The following GRIK4 variants were observed in gnomAD, a reference collection of about 807,000 sequenced individuals.
The protein encoded by GRIK4 is glutamate receptor ionotropic, kainate 4.
GRIK4 carries 40 observed loss-of-function variants against 104.9 expected under a neutral mutation model. The ratio of observed to expected loss-of-function variants is 0.38; its 90% CI spans 0.30 to 0.50. GRIK4 has a LOEUF of 0.50. Among genes scored for constraint, GRIK4 ranks in the 20% least tolerant of loss-of-function variants. GRIK4 has a pLI of 0.93. For synonymous variants in GRIK4, 485 were observed against 524.9 expected, an observed-to-expected ratio of 0.92 and a Z score of 1.04; for missense variants, 1,047 against 1,308.1, an observed-to-expected ratio of 0.80 and a Z score of 3.08.
At chr11:120,830,607 C>T (rs778862349) in intron 6 of GRIK4, among the ~76,000 whole-genome samples, 4 of 152,260 alleles carry the variant, frequency 2.6e-5, no homozygotes, top group East Asian at 3.9e-4. Flanking sequence ...ACCTTTCCCT[C>T]GCCATCCCAG....
chr11:120,644,223 A>G (rs911809886), intron 1 of GRIK4, among the ~76,000 whole-genome samples: 40 of 152,312 alleles, frequency 2.6e-4, no homozygotes, highest in African/African-American at 8.9e-4. Context: ...AGTGCTCAGT[A>G]AATCCTTGTT....
At position 120,933,430 on chromosome 11, in the gene GRIK4, T is replaced by G. The variant is rs1943522876; in HGVS notation, c.1477-6917T>G. On this transcript the variant is annotated intron_variant, in intron 13 of 20. Coordinates refer to ENST00000527524, the MANE Select transcript of GRIK4 (RefSeq NM_014619.5). ...GCCCCATGCTCAGCATTTACAGACATGGCCTCATTCATCTTCTCAACAATT... is the reference window on the plus strand; with the variant it reads ...GCCCCATGCTCAGCATTTACAGACAGGGCCTCATTCATCTTCTCAACAATT... 2.6e-5 allele frequency among the ~76,000 whole-genome samples: 4 copies of G among 152,358 alleles called. No individual in the cohort carries two copies. In the South Asian group the frequency reaches 8.3e-4, roughly 32 times the overall value.
At chr11:120,701,063 C>T (rs1223185083) in intron 3 of GRIK4, among the ~76,000 whole-genome samples, 1 of 152,218 alleles carries the variant, frequency 6.6e-6, no homozygotes, top group East Asian at 1.9e-4. Flanking sequence ...GGAGGCTATA[C>T]CATCTAGGTT....
intron 10 of GRIK4, among the ~76,000 whole-genome samples, chr11:120,874,851 G>A (rs1397656941): frequency 6.6e-6 from 1 of 152,154 alleles, no homozygotes; most frequent in Non-Finnish European, 1.5e-5. Flanking sequence ...AGGGGCTGAG[G>A]GGAATCTGAG....
chr11:120,763,441 C>T (rs897270357), intron 3 of GRIK4, among the ~76,000 whole-genome samples: 2 of 152,120 alleles, frequency 1.3e-5, no homozygotes, highest in African/African-American at 4.8e-5. Flanking sequence ...CCTCTATCTC[C>T]TTCAGTTCTG....
intron 3 of GRIK4, among the ~76,000 whole-genome samples, chr11:120,718,226 G>A (rs1950870454): frequency 6.6e-6 from 1 of 151,882 alleles, no homozygotes; most frequent in Non-Finnish European, 1.5e-5. Flanking sequence ...CCTCAAGTCT[G>A]TAAGTCCATC....
chr11:120,837,622 A>G (rs1170088372), intron 8 of GRIK4, among the ~76,000 whole-genome samples: 1 of 152,094 alleles, frequency 6.6e-6, no homozygotes, highest in Non-Finnish European at 1.5e-5. Flanking sequence ...ATAGAGCATT[A>G]CCAGCACCCC....
At chr11:120,808,155 C>T (rs780122866) in intron 4 of GRIK4, among the ~76,000 whole-genome samples, 3 of 152,114 alleles carry the variant, frequency 2.0e-5, no homozygotes, top group Non-Finnish European at 4.4e-5. Context: ...ACAGAGTGTA[C>T]ATAGGGGCAG....
At chr11:120,879,084 G>A (rs1479909301) in intron 11 of GRIK4, among the ~76,000 whole-genome samples, 2 of 152,330 alleles carry the variant, frequency 1.3e-5, no homozygotes, top group East Asian at 3.9e-4. Context: ...GAATATGGGA[G>A]CTCAGGGAGC....
intron 3 of GRIK4, among the ~76,000 whole-genome samples, chr11:120,731,913 C>G (rs1299029449): frequency 2.0e-5 from 3 of 152,000 alleles, no homozygotes; most frequent in African/African-American, 7.2e-5. Context: ...TCCTTTTTCA[C>G]CTCTGATTTG....
intron 1 of GRIK4, among the ~76,000 whole-genome samples, chr11:120,633,538 A>G (rs1379461781): frequency 6.6e-6 from 1 of 152,186 alleles, no homozygotes; most frequent in Non-Finnish European, 1.5e-5. Context: ...CATATCTGCT[A>G]TTGATGGTGT....
rs1004462284 is a variant in GRIK4, at chr11:120,902,937, C to A, written c.1273-2353C>A. On this transcript the variant is annotated intron_variant, in intron 12 of 20. Coordinates refer to ENST00000527524, the MANE Select transcript of GRIK4 (RefSeq NM_014619.5). The surrounding 1 kb of genome is among the most constrained non-coding windows in gnomAD (Gnocchi z 4.5). ...TCATCCAGAATCAGAATCACGTCAC[C>A]TTCCACTCAGAGCTCCCGCTCCCTG... Among the ~76,000 whole-genome samples the A allele has an allele frequency of 6.6e-6, 1 of 152,260 alleles. No individual in the cohort carries two copies. The highest frequency in any genetic ancestry group is 1.5e-5 in the Non-Finnish European group (1 of 68,012).
At chr11:120,782,902 T>A (rs1952186817) in intron 3 of GRIK4, among the ~76,000 whole-genome samples, 1 of 152,122 alleles carries the variant, frequency 6.6e-6, no homozygotes, top group Non-Finnish European at 1.5e-5. Flanking sequence ...ATCTACTGCA[T>A]CCTCACAAGG....
At chr11:120,532,996 G>C (rs890899972) in intron 1 of GRIK4, among the ~76,000 whole-genome samples, 1 of 152,202 alleles carries the variant, frequency 6.6e-6, no homozygotes, top group Non-Finnish European at 1.5e-5. Flanking sequence ...GGTGGAGACA[G>C]AGAAGTAAAC....
rs1465302103 is a variant in GRIK4, at chr11:120,953,607, C to T, written c.1700+643C>T. On this transcript the variant is annotated intron_variant, in intron 15 of 20. Coordinates refer to ENST00000527524, the MANE Select transcript of GRIK4 (RefSeq NM_014619.5). The surrounding 1 kb of genome is among the most constrained non-coding windows in gnomAD (Gnocchi z 4.9). ...CTGAGTTGAGACGCACGGGCCAGAC[C>T]AGGGAGGGGGGAGAATAAGCCCTGC... is the stretch of plus-strand genomic sequence containing the variant. Among the ~76,000 whole-genome samples, 3 of 152,084 alleles carry T rather than the reference C, an allele frequency of 2.0e-5. No individual in the cohort carries two copies. The highest frequency in any genetic ancestry group is 2.1e-4 in the South Asian group (1 of 4,812).
chr11:120,512,041 GGCCCCC>G (rs1210010315), intron 1 of GRIK4, among the ~76,000 whole-genome samples, 154 bp downstream of exon 1: 1 of 18,878 alleles, frequency 5.3e-5, no homozygotes, highest in East Asian at 1.5e-3. Flanking sequence ...CCCCTGCCCC[GGCCCCC>G]GCCCCCGCGC....
intron 6 of GRIK4, among the ~76,000 whole-genome samples, chr11:120,828,491 A>G (rs971634590): frequency 2.0e-5 from 3 of 152,064 alleles, no homozygotes; most frequent in Non-Finnish European, 2.9e-5. Flanking sequence ...AGCCCCTTGT[A>G]GTTGCCATCT....
chr11:120,620,396 C>T (rs910494283), intron 1 of GRIK4: 24 of 539,326 alleles, frequency 4.4e-5, no homozygotes, highest in African/African-American at 1.5e-4. Flanking sequence ...TGTACTGCCC[C>T]GTAGCTACCA....
chr11:120,821,452 G>A (rs867937951), intron 6 of GRIK4, among the ~76,000 whole-genome samples: 1 of 152,216 alleles, frequency 6.6e-6, no homozygotes. Flanking sequence ...AAGAGAGGCT[G>A]GGGAAGGTAG....
Sources: gnomAD v4.1 joint callset for allele counts (sites outside exome capture counted in the v4.1 genomes callset) on GRCh38, gnomAD v4.1.1 for gene constraint, Gnocchi (gnomAD v3.1) non-coding constraint, MANE v1.5 for transcripts, NCBI Gene and HGNC (gene_info 2026-07-23, HGNC 2026-07-21) for gene names.